Variants in PLXNC1 observed in about 807,000 individuals in gnomAD.
PLXNC1 encodes plexin C1.
In PLXNC1, 75 loss-of-function variants were observed where a neutral mutation model predicts 178.2. The observed-to-expected ratio is 0.42, with a 90% CI of 0.35 to 0.51. The LOEUF (loss-of-function observed/expected upper bound fraction) is 0.51. Ranked by LOEUF, PLXNC1 falls within the 20% of genes least tolerant of loss-of-function variation. PLXNC1 has a pLI of 0.02. For missense variants in PLXNC1, 1,503 were observed against 1,984.4 expected (o/e 0.76, Z 4.61); for synonymous variants, 790 against 779.9 (o/e 1.01, Z -0.22).
intron 1 of PLXNC1, among the ~76,000 whole-genome samples, chr12:94,158,452 C>T (rs1487023232): frequency 1.3e-5 from 2 of 152,080 alleles, no homozygotes; most frequent in Non-Finnish European, 2.9e-5. Flanking sequence ...CAAACCTTGC[C>T]TTTAAAATAA....
intron 23 of PLXNC1, among the ~76,000 whole-genome samples, chr12:94,284,414 G>GTTAGGTCAGA (rs1220638582): frequency 6.6e-6 from 1 of 152,144 alleles, no homozygotes; most frequent in African/African-American, 2.4e-5. Flanking sequence ...GATGGAGTTG[G>GTTAGGTCAGA]TTAGGTCAGA....
In PLXNC1 at chr12:94,305,210, G is replaced by A; in HGVS notation, c.4632G>A (p.Gly1544=). 2 of 1,609,986 alleles carry A rather than the reference G, an allele frequency of 1.2e-6. No individual in the cohort carries two copies. The highest frequency in any genetic ancestry group is 1.7e-6 in the Non-Finnish European group (2 of 1,177,086). The stretch of plus-strand genomic sequence containing the variant: ...TAAATAAACTAGAAAGAGAACGAGG[G>A]CTGGAAGAAGCTCAGAAACAACTCT... The part of the protein sequence containing the change: ...EILNKLERER[G]LEEAQKQLLH... The change falls in exon 31 of 31, where the codon GGG becomes GGA. Residue 1544 remains glycine (G), a synonymous_variant. Transcript: ENST00000258526.
Position 94,260,915 on chromosome 12 carries a change from G to T in PLXNC1, c.3450+75G>T. ...ATTTTTAGCGGACTCTGATGCCTTT[G>T]CCAGGATAAATCCTGAATGCTCGAT... On this transcript the variant is annotated intron_variant, in intron 20 of 30. Transcript: ENST00000258526. The surrounding 1 kb of genome is among the most constrained non-coding windows in gnomAD (Gnocchi z 4.4). 2 of 1,278,016 alleles carry T rather than the reference G, an allele frequency of 1.6e-6. No homozygotes were observed. Among genetic ancestry groups the T allele is most frequent in the Non-Finnish European group, 2.2e-6 (2 of 891,416 alleles). The allele number at this position is 1,278,016 out of a possible 1,614,324, so 79.2% of individuals were successfully genotyped here.
At chr12:94,277,063 A>AAC (rs5800152) in intron 21 of PLXNC1, 66,454 of 151,936 alleles carry the variant, frequency 0.44, 14,630 homozygotes, top group South Asian at 0.55. Context: ...GCTCTTTATA[A>AAC]ACACCATAAA....
rs951233887 is a variant in PLXNC1, at chr12:94,262,545, G to A, written c.3450+1705G>A. 6.1e-6 allele frequency: 6 copies of A among 985,432 alleles called. No homozygotes were observed. The Admixed American group carries it at 3.1e-4, about 50-fold the overall frequency. 61.0% of individuals were successfully genotyped at this position (985,432 alleles called of 1,614,324 possible). On this transcript the variant is annotated intron_variant, in intron 20 of 30. Coordinates refer to ENST00000258526, the MANE Select transcript of PLXNC1 (RefSeq NM_005761.3). The stretch of plus-strand genomic sequence containing the variant: ...CACAGTGCTGATTCAAGAGCGTCTC[G>A]AGCACTCTGAGTGGTGAGGGGGCGG...
intron 24 of PLXNC1, among the ~76,000 whole-genome samples, chr12:94,294,790 C>T (rs1416773721): frequency 6.6e-6 from 1 of 152,166 alleles, no homozygotes; most frequent in East Asian, 1.9e-4. Context: ...CTCTTTATAG[C>T]CCTAAACTCA....
chr12:94,253,734 C>T (rs1964765001), intron 15 of PLXNC1, among the ~76,000 whole-genome samples: 2 of 151,478 alleles, frequency 1.3e-5, no homozygotes, highest in Non-Finnish European at 2.9e-5. Flanking sequence ...AGTGCAGTGG[C>T]ACGATCACGG....
At chr12:94,222,769 C>T (rs1031925242) in intron 6 of PLXNC1, among the ~76,000 whole-genome samples, 1 of 150,816 alleles carries the variant, frequency 6.6e-6, no homozygotes, top group African/African-American at 2.4e-5. Flanking sequence ...TTATAGATTC[C>T]ACTGGAGTGT....
chr12:94,283,415 G>A (rs1966597567), intron 23 of PLXNC1, among the ~76,000 whole-genome samples: 1 of 152,188 alleles, frequency 6.6e-6, no homozygotes, highest in Non-Finnish European at 1.5e-5. Context: ...TGCTTATGAA[G>A]TACTTACACC....
At position 94,248,401 on chromosome 12, in the gene PLXNC1, A is replaced by G; in HGVS notation, c.2767A>G (p.Lys923Glu). The G allele has an allele frequency of 6.2e-7, 1 of 1,601,100 alleles. No homozygotes were observed. The highest frequency in any genetic ancestry group is 8.5e-7 in the Non-Finnish European group (1 of 1,174,620). The change falls in exon 14 of 31, where the codon AAG (lysine) becomes GAG (glutamate). Residue 923 changes from lysine to glutamate, a missense_variant. Coordinates refer to ENST00000258526, the MANE Select transcript of PLXNC1 (RefSeq NM_005761.3). ...KTASTIANSS[K>E]KVRVKLGNLE... ...TGCAAGCACCATTGCCAACTCTTCT[A>G]AGAAAGTTCGGGTAAGTGACCTGGC...
chr12:94,166,278 C>G (rs61927398), intron 1 of PLXNC1, among the ~76,000 whole-genome samples: 1 of 152,104 alleles, frequency 6.6e-6, no homozygotes, highest in Admixed American at 6.5e-5. Context: ...ACAAACTCAC[C>G]CAGTCCTCAT....
At chr12:94,289,141 A>G (rs549590890) in intron 23 of PLXNC1, among the ~76,000 whole-genome samples, 58 of 152,322 alleles carry the variant, frequency 3.8e-4, no homozygotes, top group African/African-American at 1.3e-3. Flanking sequence ...TGCCATAAAC[A>G]TGGTATCTTA....
intron 14 of PLXNC1, among the ~76,000 whole-genome samples, chr12:94,250,773 G>C (rs1964662934): frequency 6.6e-6 from 1 of 152,130 alleles, no homozygotes; most frequent in Non-Finnish European, 1.5e-5. Context: ...AATCCCAGCA[G>C]TTTGAGAGGC....
chr12:94,158,492 A>C (rs1047589490), intron 1 of PLXNC1, among the ~76,000 whole-genome samples: 29 of 152,196 alleles, frequency 1.9e-4, no homozygotes, highest in African/African-American at 6.3e-4. Flanking sequence ...CTATGAGAAA[A>C]AGGTTAGAAA....
In PLXNC1 at chr12:94,220,146, C is replaced by G. The variant is rs1472733746; in HGVS notation, c.1685C>G (p.Thr562Ser). The stretch of plus-strand genomic sequence containing the variant: ...CGGACCTGCACCTGTAGCATCCCAA[C>G]CAGAGCAACCTACAAAGGTATGTGG... ...PNRTCTCSIPTRATYKDVSVV... is the reference protein window; with the variant it reads ...PNRTCTCSIPSRATYKDVSVV... Residue 562 changes from threonine to serine, a missense_variant, in exon 6 of 31, where the codon ACC (threonine) becomes AGC (serine). This residue lies in a region of PLXNC1 where 615 missense variants were observed against 698.6 expected (regional missense o/e 0.88). Transcript: ENST00000258526. The G allele has an allele frequency of 7.4e-6, 12 of 1,613,876 alleles. No individual in the cohort carries two copies. Among genetic ancestry groups the G allele is most frequent in the Non-Finnish European group, 1.0e-5 (12 of 1,179,906 alleles).
chr12:94,240,461 A>C, intron 10 of PLXNC1, 24 bp from the exon 11 acceptor site: 1 of 1,588,352 alleles, frequency 6.3e-7, no homozygotes, highest in Non-Finnish European at 8.6e-7. Context: ...GTCATGTGAG[A>C]GTTCTTTTTC....
chr12:94,185,794 G>A (rs1962487301), intron 3 of PLXNC1: 1 of 152,482 alleles, frequency 6.6e-6, no homozygotes, highest in Non-Finnish European at 1.5e-5. Flanking sequence ...TCCTGGGGCA[G>A]AGCCTTTGTT....
chr12:94,167,128 G>A (rs1432960627), intron 1 of PLXNC1, among the ~76,000 whole-genome samples: 9 of 152,150 alleles, frequency 5.9e-5, no homozygotes, highest in Non-Finnish European at 8.8e-5. Flanking sequence ...AATTTGGGAC[G>A]GATTTTTCCT....
At chr12:94,210,268 A>G (rs1471931034) in intron 5 of PLXNC1, among the ~76,000 whole-genome samples, 1 of 152,230 alleles carries the variant, frequency 6.6e-6, no homozygotes, top group Non-Finnish European at 1.5e-5. Context: ...CTATGGCAGC[A>G]CCACTCTTGA....
Sources: allele counts gnomAD v4.1 joint callset (sites outside exome capture counted in the v4.1 genomes callset), GRCh38; gene constraint gnomAD v4.1.1; regional missense constraint gnomAD v4.1.1; non-coding constraint Gnocchi (gnomAD v3.1); transcripts MANE v1.5; gene names NCBI Gene and HGNC (gene_info 2026-07-23, HGNC 2026-07-21).